The following GATAD2B variants were observed in gnomAD, a reference collection of about 807,000 sequenced individuals.
GATAD2B encodes GATA zinc finger domain containing 2B.
In GATAD2B, 8 loss-of-function variants were observed where a neutral mutation model predicts 64.3. That is an observed-to-expected ratio of 0.12 (90% CI 0.07 to 0.22). The LOEUF (loss-of-function observed/expected upper bound fraction) is 0.22. Ranked by LOEUF, GATAD2B falls within the 10% of genes least tolerant of loss-of-function variation. The pLI is 1.00. For missense variants in GATAD2B, 453 were observed against 752.0 expected (o/e 0.60, Z 4.65); for synonymous variants, 281 against 271.3 (o/e 1.04, Z -0.35).
At chr1:153,832,583 T>C (rs543347098) in intron 1 of GATAD2B, among the ~76,000 whole-genome samples, 2 of 152,370 alleles carry the variant, frequency 1.3e-5, no homozygotes, top group East Asian at 1.9e-4. Flanking sequence ...AAGTTATCCA[T>C]AAGATCTAGC....
intron 1 of GATAD2B, among the ~76,000 whole-genome samples, chr1:153,896,433 C>CTTTTTTT (rs35275252): frequency 8.6e-6 from 1 of 115,986 alleles, no homozygotes; most frequent in African/African-American, 3.2e-5. Flanking sequence ...GTAAAATTTT[C>CTTTTTTT]TTTTTTTTTT....
intron 1 of GATAD2B, among the ~76,000 whole-genome samples, chr1:153,903,166 C>A (rs756596131): frequency 2.0e-5 from 3 of 151,502 alleles, no homozygotes; most frequent in Non-Finnish European, 4.4e-5. Flanking sequence ...TGCAGTGAAC[C>A]GAGATCGCTC....
Position 153,824,373 on chromosome 1 carries a change from T to C in GATAD2B, c.335+3640A>G, listed in dbSNP as rs560585317. 7.9e-5 allele frequency among the ~76,000 whole-genome samples: 12 copies of C among 152,258 alleles called. 1 individual carries two copies. Among genetic ancestry groups the C allele is most frequent in the African/African-American group, 2.6e-4 (11 of 41,562 alleles). ...GGCTAGGTGTGGTGGCTCACGCCCA[T>C]AATCCCGGCACTTTGGGAGGCCAAG... On this transcript the variant is annotated intron_variant, in intron 2 of 10. Transcript: ENST00000368655.
At chr1:153,887,272 C>A (rs958494145) in intron 1 of GATAD2B, among the ~76,000 whole-genome samples, 2 of 152,192 alleles carry the variant, frequency 1.3e-5, no homozygotes, top group African/African-American at 4.8e-5. Context: ...TTTGCTTTCC[C>A]AATCCCTGAT....
At chr1:153,911,292 G>C (rs1197725952) in intron 1 of GATAD2B, among the ~76,000 whole-genome samples, 1 of 152,044 alleles carries the variant, frequency 6.6e-6, no homozygotes, top group Non-Finnish European at 1.5e-5. Flanking sequence ...GAGAGCAAGA[G>C]GAGAGAATGA....
intron 1 of GATAD2B, among the ~76,000 whole-genome samples, chr1:153,858,052 T>C (rs1179546489): frequency 6.6e-6 from 1 of 152,178 alleles, no homozygotes; most frequent in Non-Finnish European, 1.5e-5. Flanking sequence ...AGAGGCCCAG[T>C]AACAAGAATG....
At chr1:153,911,079 T>C (rs145689330) in intron 1 of GATAD2B, among the ~76,000 whole-genome samples, 3 of 152,266 alleles carry the variant, frequency 2.0e-5, no homozygotes, top group Non-Finnish European at 4.4e-5. Context: ...TTCAAGCATA[T>C]TCTCTGGAAC....
chr1:153,819,019 C>G, intron 3 of GATAD2B, 97 bp from the exon 4 acceptor site: 1 of 1,261,992 alleles, frequency 7.9e-7, no homozygotes. Context: ...AAACCTTCAT[C>G]TTCCACAAGA....
chr1:153,852,247 T>A, intron 1 of GATAD2B: 1 of 1,221,244 alleles, frequency 8.2e-7, no homozygotes, highest in Non-Finnish European at 1.2e-6. Flanking sequence ...AAGAAATCCA[T>A]CAAGTCATCT....
chr1:153,894,861 C>CA (rs939911727), intron 1 of GATAD2B, among the ~76,000 whole-genome samples: 1 of 149,204 alleles, frequency 6.7e-6, no homozygotes, highest in African/African-American at 2.5e-5. Context: ...GACTACGTCT[C>CA]AAAAAAACAA....
At chr1:153,883,485 A>C (rs1677066543) in intron 1 of GATAD2B, among the ~76,000 whole-genome samples, 1 of 152,240 alleles carries the variant, frequency 6.6e-6, no homozygotes, top group African/African-American at 2.4e-5. Flanking sequence ...AGACACTGCT[A>C]TCATTTTACA....
At chr1:153,821,247 G>C (rs756417726) in intron 2 of GATAD2B, among the ~76,000 whole-genome samples, 1 of 151,892 alleles carries the variant, frequency 6.6e-6, no homozygotes, top group African/African-American at 2.4e-5. Flanking sequence ...GCCACCCAAA[G>C]TGTTGGAATT....
chr1:153,888,726 C>T (rs1391618287), intron 1 of GATAD2B, among the ~76,000 whole-genome samples: 2 of 152,188 alleles, frequency 1.3e-5, no homozygotes, highest in Non-Finnish European at 2.9e-5. Flanking sequence ...TTGAGTTCTA[C>T]TTTTTGGCCT....
chr1:153,886,306 G>C (rs987380617), intron 1 of GATAD2B: 1 of 152,052 alleles, frequency 6.6e-6, no homozygotes, highest in Non-Finnish European at 1.5e-5. Context: ...ATTGCTCCTA[G>C]GCTATAAACC....
chr1:153,852,231 G>C, intron 1 of GATAD2B: 3 of 1,191,382 alleles, frequency 2.5e-6, no homozygotes, highest in Non-Finnish European at 3.7e-6. Flanking sequence ...GGGGCATGTT[G>C]TTAACAAGAA....
chr1:153,866,756 A>C (rs1395864184), intron 1 of GATAD2B, among the ~76,000 whole-genome samples: 3 of 152,140 alleles, frequency 2.0e-5, no homozygotes, highest in Non-Finnish European at 4.4e-5. Flanking sequence ...GCTACAAAGA[A>C]GTGAAATTAT....
At chr1:153,819,529 C>A in intron 3 of GATAD2B, 77 bp downstream of exon 3, 1 of 1,066,976 alleles carries the variant, frequency 9.4e-7, no homozygotes, top group Non-Finnish European at 1.4e-6. Context: ...AGTCAAAAAA[C>A]AGAACTAAAT....
rs1674483118 is a variant in GATAD2B at position 153,816,406 on chromosome 1, T to C, written c.1083A>G (p.Glu361=). Residue 361 remains glutamate (E), a synonymous_variant, in exon 7 of 11, where the codon GAA becomes GAG. Coordinates refer to ENST00000368655, the MANE Select transcript of GATAD2B (RefSeq NM_020699.4). This position sits in a 1 kb window ranked among gnomAD's most constrained non-coding sequence, Gnocchi z 4.9. ...GGGGTGGGATCTCCAGGAGTGTCTT[T>C]TCCAGCTGTTTGCGAAGAGCCAATT... ...AAKLALRKQL[E]KTLLEIPPPK... The C allele has an allele frequency of 6.2e-7, 1 of 1,614,204 alleles. No homozygotes were observed. The highest frequency in any genetic ancestry group is 8.5e-7 in the Non-Finnish European group (1 of 1,180,026).
At chr1:153,885,481 GGAGGCA>G (rs1340231327) in intron 1 of GATAD2B, among the ~76,000 whole-genome samples, 1 of 152,060 alleles carries the variant, frequency 6.6e-6, no homozygotes, top group Non-Finnish European at 1.5e-5. Flanking sequence ...TAGCACTTTG[GGAGGCA>G]GAGGCAGGTG....
Sources: allele counts gnomAD v4.1 joint callset (sites outside exome capture counted in the v4.1 genomes callset), GRCh38; gene constraint gnomAD v4.1.1; non-coding constraint Gnocchi (gnomAD v3.1); transcripts MANE v1.5; gene names NCBI Gene and HGNC (gene_info 2026-07-23, HGNC 2026-07-21).